The following ITGB6 variants were observed in gnomAD, a reference collection of about 807,000 sequenced individuals.
ITGB6 encodes integrin beta-6.
In ITGB6, 80 loss-of-function variants were observed where a neutral mutation model predicts 84.5. The ratio of observed to expected loss-of-function variants is 0.95; its 90% CI spans 0.79 to 1.14. ITGB6 has a LOEUF of 1.14. ITGB6 is among the 50% of genes most tolerant of loss of function. The pLI, the probability that ITGB6 is intolerant of heterozygous loss-of-function variation, is 0.00. For missense variants in ITGB6, 1,006 were observed against 968.0 expected (o/e 1.04, Z -0.52); for synonymous variants, 383 against 354.9 (o/e 1.08, Z -0.89).
chr2:160,119,348 C>G (rs1682928454), intron 12 of ITGB6, among the ~76,000 whole-genome samples: 1 of 152,062 alleles, frequency 6.6e-6, no homozygotes, highest in South Asian at 2.1e-4. Flanking sequence ...ACAGAGCCCT[C>G]AGAAATAATG....
chr2:160,125,871 G>A (rs1343096492), intron 11 of ITGB6, among the ~76,000 whole-genome samples: 1 of 152,172 alleles, frequency 6.6e-6, no homozygotes, highest in Non-Finnish European at 1.5e-5. Flanking sequence ...AAGAGCATGG[G>A]TGGTAAAGAA....
intron 7 of ITGB6, among the ~76,000 whole-genome samples, chr2:160,153,846 T>G (rs1175488878): frequency 1.3e-5 from 2 of 152,228 alleles, no homozygotes; most frequent in African/African-American, 4.8e-5. Flanking sequence ...TCGTCATCAC[T>G]GGCCATCAGA....
chr2:160,118,459 C>T (rs1027491359), intron 12 of ITGB6, among the ~76,000 whole-genome samples: 8 of 152,132 alleles, frequency 5.3e-5, no homozygotes, highest in Non-Finnish European at 4.4e-5. Flanking sequence ...TGACAAAATT[C>T]AACAGTGCTT....
intron 4 of ITGB6, among the ~76,000 whole-genome samples, chr2:160,180,634 T>C (rs1000204396): frequency 1.3e-5 from 2 of 152,196 alleles, no homozygotes; most frequent in Non-Finnish European, 2.9e-5. Flanking sequence ...AGAGATGTCA[T>C]TTGCCTTCTT....
chr2:160,169,131 G>A, intron 7 of ITGB6, 81 bp downstream of exon 7: 1 of 784,410 alleles, frequency 1.3e-6, no homozygotes, highest in South Asian at 1.7e-5. Flanking sequence ...GCCTTCCCAT[G>A]TGTTAAACTC....
At chr2:160,104,771 T>C in intron 14 of ITGB6, among the ~76,000 whole-genome samples, 1 of 152,210 alleles carries the variant, frequency 6.6e-6, no homozygotes, top group Non-Finnish European at 1.5e-5. Flanking sequence ...ATATGTTTCA[T>C]TTGTGTTTTC....
chr2:160,168,647 T>G (rs1236007238), intron 7 of ITGB6, among the ~76,000 whole-genome samples: 1 of 152,204 alleles, frequency 6.6e-6, no homozygotes, highest in African/African-American at 2.4e-5. Context: ...ACCATTCCCT[T>G]TTTGCAGTTG....
At chr2:160,188,965 A>G (rs2105890401) in intron 4 of ITGB6, among the ~76,000 whole-genome samples, 1 of 152,300 alleles carries the variant, frequency 6.6e-6, no homozygotes, top group South Asian at 2.1e-4. Flanking sequence ...CTACAAGGCT[A>G]CAGTAACCAA....
At chr2:160,147,670 TA>T (rs1684251425) in intron 7 of ITGB6, among the ~76,000 whole-genome samples, 1 of 152,092 alleles carries the variant, frequency 6.6e-6, no homozygotes, top group Admixed American at 6.5e-5. Flanking sequence ...GAAATAGACC[TA>T]CATAAATATA....
In ITGB6 at chr2:160,132,677, T is replaced by C. The variant is rs533228085; in HGVS notation, c.1660+4757A>G. ...GACAAATTTATACTGTTTAAGAGTA[T>C]ATGAACATATTTATAATTCTTTTCT... On this transcript the variant is annotated intron_variant, in intron 10 of 14. Coordinates refer to ENST00000283249, the MANE Select transcript of ITGB6 (RefSeq NM_000888.5). Among the ~76,000 whole-genome samples, 12 of 152,308 alleles carry C rather than the reference T, an allele frequency of 7.9e-5. No individual in the cohort carries two copies. The South Asian group carries it at 2.5e-3, about 32-fold the overall frequency.
rs747175115 is a variant in ITGB6, at chr2:160,101,834, C to T, written c.2269G>A (p.Gly757Arg). 2.2e-6 allele frequency: 3 copies of T among 1,377,262 alleles called. No homozygotes were observed. The highest frequency in any genetic ancestry group is 5.0e-5 in the Admixed American group (2 of 39,998). 85.3% of individuals were successfully genotyped at this position (1,377,262 alleles called of 1,614,324 possible). A position where few individuals can be genotyped will look rare whatever the true frequency, so the allele number is the denominator to read the frequency against. ...AERSKAKWQT[G>R]TNPLYRGSTS... is the part of the protein sequence containing the mutation. Reference sequence around the variant, plus strand: ...GATCCTCTGTAGAGTGGATTGGTTCCCTGGAAAAAAAAAAAAGATTCAAGT... The same window carrying T: ...GATCCTCTGTAGAGTGGATTGGTTCTCTGGAAAAAAAAAAAAGATTCAAGT... Residue 757 changes from glycine (G) to arginine (R), a missense_variant and splice_region_variant, in exon 15 of 15, where the codon GGA becomes AGA. Transcript: ENST00000283249.
intron 13 of ITGB6, among the ~76,000 whole-genome samples, chr2:160,110,346 T>A (rs566722291): frequency 6.6e-6 from 1 of 152,318 alleles, no homozygotes; most frequent in African/African-American, 2.4e-5. Flanking sequence ...GTAAAATATA[T>A]AAAACAACAT....
chr2:160,193,532 G>C (rs1686220133), intron 4 of ITGB6, among the ~76,000 whole-genome samples: 1 of 152,174 alleles, frequency 6.6e-6, no homozygotes, highest in Non-Finnish European at 1.5e-5. Flanking sequence ...TCATGTTTTG[G>C]ATATTGATTG....
intron 7 of ITGB6, among the ~76,000 whole-genome samples, chr2:160,148,636 A>G (rs1051433841): frequency 2.6e-5 from 4 of 152,182 alleles, no homozygotes; most frequent in African/African-American, 7.2e-5. Flanking sequence ...GAGCAGAAGC[A>G]GGGCGGGGCA....
In ITGB6 at chr2:160,141,203, C is replaced by G. The variant is rs536796746; in HGVS notation, c.1107+779G>C. Among the ~76,000 whole-genome samples the G allele has an allele frequency of 5.3e-5, 8 of 151,820 alleles. No individual in the cohort carries two copies. In the South Asian group the frequency reaches 1.7e-3, roughly 32 times the overall value. On this transcript the variant is annotated intron_variant, in intron 8 of 14. Coordinates refer to ENST00000283249, the MANE Select transcript of ITGB6 (RefSeq NM_000888.5). ...AAAATTTACTTTTTTTCATTCCTAT[C>G]CTAATTTAGGGCTTCTTCTTTCTCT...
intron 13 of ITGB6, among the ~76,000 whole-genome samples, chr2:160,110,377 T>C (rs1181483024): frequency 6.6e-6 from 1 of 152,170 alleles, no homozygotes; most frequent in Admixed American, 6.5e-5. Flanking sequence ...GTATTAGGGC[T>C]CAAAAAATGA....
intron 4 of ITGB6, among the ~76,000 whole-genome samples, chr2:160,193,622 A>T (rs930073026): frequency 6.6e-6 from 1 of 152,250 alleles, no homozygotes; most frequent in African/African-American, 2.4e-5. Flanking sequence ...ACTATACATT[A>T]AAAGGAGTTG....
chr2:160,197,438 G>C (rs1329413830), intron 2 of ITGB6, among the ~76,000 whole-genome samples: 5 of 152,214 alleles, frequency 3.3e-5, no homozygotes. Context: ...GGAGCTAATA[G>C]ATTAAATACC....
chr2:160,141,977 C>T lies in ITGB6; in HGVS notation c.1107+5G>A. 6.3e-7 allele frequency: 1 copy of T among 1,576,518 alleles called. No homozygotes were observed. Among genetic ancestry groups the T allele is most frequent in the Non-Finnish European group, 8.7e-7 (1 of 1,149,984 alleles). ...AAAAAAGAAGCCAGCTGTAAAATAT[C>T]CTACTTCATAAGCTGAGATGATCAG... On this transcript the variant is annotated splice_donor_5th_base_variant and intron_variant, in intron 8 of 14. Transcript: ENST00000283249.
Sources: allele counts gnomAD v4.1 joint callset (sites outside exome capture counted in the v4.1 genomes callset), GRCh38; gene constraint gnomAD v4.1.1; transcripts MANE v1.5; gene names NCBI Gene and HGNC (gene_info 2026-07-23, HGNC 2026-07-21).